The following SYT16 variants were observed in gnomAD, a reference collection of about 807,000 sequenced individuals.
SYT16 encodes synaptotagmin 16.
Under a neutral mutation model 61.4 loss-of-function variants are expected in SYT16, and 42 were observed. The observed-to-expected ratio is 0.68, with a 90% CI of 0.53 to 0.89. The LOEUF is 0.89. Ranked by LOEUF, SYT16 falls within the 40% of genes least tolerant of loss-of-function variation. The pLI is 0.00. For missense variants in SYT16, 804 were observed against 807.3 expected (o/e 1.00, Z 0.05); for synonymous variants, 314 against 302.3 (o/e 1.04, Z -0.40).
chr14:62,028,721 T>C (rs1399757202), intron 3 of SYT16, among the ~76,000 whole-genome samples: 2 of 152,204 alleles, frequency 1.3e-5, no homozygotes, highest in African/African-American at 4.8e-5. Flanking sequence ...ACCAAAGTCT[T>C]ATGTTCTTCT....
chr14:62,095,703 A>G lies in SYT16; in HGVS notation c.1625-4691A>G, dbSNP rs761269627. Among the ~76,000 whole-genome samples the G allele has an allele frequency of 2.0e-5, 3 of 152,116 alleles. No individual in the cohort carries two copies. The Middle Eastern group carries it at 0.01, about 517-fold the overall frequency. On this transcript the variant is annotated intron_variant, in intron 7 of 7. Coordinates refer to ENST00000683842, the MANE Select transcript of SYT16 (RefSeq NM_001367656.1). Reference sequence around the variant, plus strand: ...TTTTTCCACATTATATGTCCAGTACAATACCAAGTAGAATCCCAAGTGTTT... The same window carrying G: ...TTTTTCCACATTATATGTCCAGTACGATACCAAGTAGAATCCCAAGTGTTT...
At position 62,010,078 on chromosome 14, in the gene SYT16, G is replaced by T. The variant is rs2053382912; in HGVS notation, c.523+13536G>T. Among the ~76,000 whole-genome samples the T allele has an allele frequency of 2.6e-5, 4 of 152,122 alleles. 1 individual carries two copies. The South Asian group carries it at 8.3e-4, about 32-fold the overall frequency. ...AATAATTTCTGCTTCCCTGAAATTT[G>T]ACCAATAGTGTAGTGAAAGTATTGT... On this transcript the variant is annotated intron_variant, in intron 3 of 7. Transcript: ENST00000683842.
intron 3 of SYT16, among the ~76,000 whole-genome samples, chr14:62,029,151 G>A (rs1438758175): frequency 2.0e-5 from 3 of 152,182 alleles, no homozygotes; most frequent in Non-Finnish European, 2.9e-5. Context: ...GCAACTTTGA[G>A]ACAGTCCCGC....
intron 1 of SYT16, among the ~76,000 whole-genome samples, chr14:61,938,633 G>A (rs1028321784): frequency 2.6e-5 from 4 of 152,066 alleles, no homozygotes; most frequent in Non-Finnish European, 5.9e-5. Context: ...GGATTTAAGG[G>A]GTATCCTTAA....
rs2052774858 is a variant in SYT16, at chr14:61,996,468, A to G, written c.449A>G (p.Gln150Arg). 1 of 1,613,326 alleles carries G rather than the reference A, an allele frequency of 6.2e-7. No individual in the cohort carries two copies. Among genetic ancestry groups the G allele is most frequent in the Non-Finnish European group, 8.5e-7 (1 of 1,179,484 alleles). Reference protein sequence around the residue: ...IAEEEHHLEKQRSGLQHGFDS... With the variant: ...IAEEEHHLEKRRSGLQHGFDS... ...GAGGAAGAGCATCACCTTGAAAAGC[A>G]AAGAAGTGGCCTTCAACATGGCTTT... The change falls in exon 3 of 8, where the codon CAA becomes CGA. Residue 150 changes from glutamine to arginine, a missense_variant. Gln to Arg is a conservative substitution (Grantham distance 43). Transcript: ENST00000683842.
At position 61,994,046 on chromosome 14, in the gene SYT16, T is replaced by C. The variant is rs114431285; in HGVS notation, c.-144-1830T>C. ...GAATTGAGTCTGGGTAAGAAGAGCA[T>C]ATGAAGCGAACTAGGTATGTAGTAT... On this transcript the variant is annotated intron_variant, in intron 2 of 7. Coordinates refer to ENST00000683842, the MANE Select transcript of SYT16 (RefSeq NM_001367656.1). Among the ~76,000 whole-genome samples, 481 of 152,186 alleles carry C rather than the reference T, an allele frequency of 3.2e-3. 4 individuals are homozygous for C. Among genetic ancestry groups the C allele is most frequent in the African/African-American group, 0.011 (451 of 41,530 alleles).
chr14:61,825,528 C>T (rs1405656345), intron 1 of SYT16, among the ~76,000 whole-genome samples: 1 of 152,076 alleles, frequency 6.6e-6, no homozygotes, highest in African/African-American at 2.4e-5. Context: ...AAAAAGAATA[C>T]AAAAATTAGC....
chr14:61,891,774 A>G (rs1449127771), intron 1 of SYT16, among the ~76,000 whole-genome samples: 1 of 152,190 alleles, frequency 6.6e-6, no homozygotes, highest in Non-Finnish European at 1.5e-5. Context: ...GTCTAAAAGG[A>G]TAAGGTAGTA....
intron 1 of SYT16, among the ~76,000 whole-genome samples, chr14:61,845,069 A>G (rs1312906136): frequency 5.9e-5 from 6 of 102,446 alleles, no homozygotes; most frequent in African/African-American, 1.8e-4. Flanking sequence ...TTTTTTTGAG[A>G]TAGAGTCTCA....
At chr14:62,058,585 G>A (rs1162587098) in intron 3 of SYT16, among the ~76,000 whole-genome samples, 2 of 151,924 alleles carry the variant, frequency 1.3e-5, no homozygotes, top group African/African-American at 2.4e-5. Flanking sequence ...GGCTGGTCTC[G>A]ACCTCTGATC....
At position 62,103,152 on chromosome 14, in the gene SYT16, T is replaced by C. The variant is rs544744300; in HGVS notation, c.*2445T>C. On this transcript the variant is annotated 3_prime_UTR_variant, in exon 8 of 8. Transcript: ENST00000683842. The stretch of plus-strand genomic sequence containing the variant: ...TTTACCTTTATTTGAAATTCTAGTT[T>C]AGTAAGATCTTTTGATTTTGTGCAC... The C allele has an allele frequency of 2.0e-5, 3 of 152,314 alleles. No homozygotes were observed. Among genetic ancestry groups the C allele is most frequent in the East Asian group, 3.9e-4 (2 of 5,188 alleles). The allele number at this position is 152,314 out of a possible 1,614,324, so 9.4% of individuals were successfully genotyped here. A position where few individuals can be genotyped will look rare whatever the true frequency, so the allele number is the denominator to read the frequency against.
chr14:61,925,856 A>G (rs984601308), intron 1 of SYT16, among the ~76,000 whole-genome samples: 1 of 152,156 alleles, frequency 6.6e-6, no homozygotes, highest in Non-Finnish European at 1.5e-5. Context: ...TTTTTCCCTC[A>G]AGGAAAAGGT....
chr14:62,102,208 C>T lies in SYT16; in HGVS notation c.*1501C>T, dbSNP rs900535240. 2.0e-5 allele frequency: 3 copies of T among 152,180 alleles called. No homozygotes were observed. The highest frequency in any genetic ancestry group is 1.3e-4 in the Admixed American group (2 of 15,274). 9.4% of individuals were successfully genotyped at this position (152,180 alleles called of 1,614,324 possible). On this transcript the variant is annotated 3_prime_UTR_variant, in exon 8 of 8. Transcript: ENST00000683842. ...ACTCCTCCTCAGCTCCACGTTTTGA[C>T]AGATTGTAAGCGTAGGCTGTAACAC...
At chr14:62,093,961 C>T (rs2057180242) in intron 7 of SYT16, among the ~76,000 whole-genome samples, 1 of 152,100 alleles carries the variant, frequency 6.6e-6, no homozygotes, top group African/African-American at 2.4e-5. Context: ...CTCAGACATA[C>T]AGGCACTCCC....
intron 1 of SYT16, among the ~76,000 whole-genome samples, chr14:61,884,914 G>A (rs557285198): frequency 7.2e-5 from 11 of 152,210 alleles, no homozygotes; most frequent in South Asian, 4.2e-4. Context: ...TCTCTTTTGG[G>A]ACCCACTAAA....
chr14:62,010,722 CT>C (rs1009423933), intron 3 of SYT16, among the ~76,000 whole-genome samples: 2 of 150,842 alleles, frequency 1.3e-5, no homozygotes, highest in South Asian at 2.1e-4. Flanking sequence ...AATTGTTTGT[CT>C]TTTTTTTTGC....
In SYT16 at chr14:62,105,428, A is replaced by G. The variant is rs941333533; in HGVS notation, c.*4721A>G. 6.6e-6 allele frequency: 1 copy of G among 152,214 alleles called. No homozygotes were observed. The highest frequency in any genetic ancestry group is 2.1e-4 in the South Asian group (1 of 4,834). The allele number at this position is 152,214 out of a possible 1,614,324, so 9.4% of individuals were successfully genotyped here. Reference sequence around the variant, plus strand: ...TAACACTTTCTTTAAAACCTGCATTATATATCCATTTTATATCCTGATAGC... The same window carrying G: ...TAACACTTTCTTTAAAACCTGCATTGTATATCCATTTTATATCCTGATAGC... On this transcript the variant is annotated 3_prime_UTR_variant, in exon 8 of 8. Coordinates refer to ENST00000683842, the MANE Select transcript of SYT16 (RefSeq NM_001367656.1).
chr14:61,842,573 C>T (rs988220701), intron 1 of SYT16, among the ~76,000 whole-genome samples: 23 of 152,158 alleles, frequency 1.5e-4, no homozygotes, highest in South Asian at 6.2e-4. Flanking sequence ...GGCACATATA[C>T]ACCATGGAAT....
intron 1 of SYT16, among the ~76,000 whole-genome samples, chr14:61,897,989 T>A (rs1164487255): frequency 1.3e-5 from 2 of 152,342 alleles, no homozygotes; most frequent in African/African-American, 4.8e-5. Context: ...TTTCTACACC[T>A]GAACCCAAGT....
Sources: gnomAD v4.1 joint callset for allele counts (sites outside exome capture counted in the v4.1 genomes callset) on GRCh38, gnomAD v4.1.1 for gene constraint, MANE v1.5 for transcripts, NCBI Gene and HGNC (gene_info 2026-07-23, HGNC 2026-07-21) for gene names.